CYP4X1: variants seen among roughly 807,000 people sequenced by gnomAD.
The protein encoded by CYP4X1 is cytochrome P450 4X1.
A neutral mutation model predicts 57.9 loss-of-function variants in CYP4X1; 44 were observed. The observed-to-expected ratio is 0.76, with a 90% CI of 0.60 to 0.98. The LOEUF (loss-of-function observed/expected upper bound fraction) is 0.98. CYP4X1 is among the 50% of genes least tolerant of loss of function. CYP4X1 has a pLI of 0.00. For synonymous variants in CYP4X1, 227 were observed against 228.6 expected, an observed-to-expected ratio of 0.99 and a Z score of 0.06; for missense variants, 532 against 623.9, an observed-to-expected ratio of 0.85 and a Z score of 1.57.
At chr1:47,024,118 C>G in intron 1 of CYP4X1, 124 bp downstream of exon 1, 1 of 1,166,464 alleles carries the variant, frequency 8.6e-7, no homozygotes, top group Non-Finnish European at 1.2e-6. Flanking sequence ...TTGCACTGGC[C>G]TTTCCAGCCC....
At chr1:47,003,878 A>T in the CYP4X1 span, among the ~76,000 whole-genome samples, 1 of 152,176 alleles carries the variant, frequency 6.6e-6, no homozygotes, top group African/African-American at 2.4e-5. Context: ...CCCGCCAAAA[A>T]ATCTCAGATC....
chr1:47,021,115 A>G (rs1461577892), upstream of CYP4X1, among the ~76,000 whole-genome samples: 2 of 119,472 alleles, frequency 1.7e-5, no homozygotes, highest in Admixed American at 1.2e-4. Flanking sequence ...AGAAAATTCA[A>G]TTCAGTAGAT....
chr1:46,980,603 T>A, the CYP4X1 span, among the ~76,000 whole-genome samples: 1 of 152,204 alleles, frequency 6.6e-6, no homozygotes, highest in African/African-American at 2.4e-5. Context: ...TACCAATGAC[T>A]TTCTTCACAG....
chr1:46,989,724 T>C, the CYP4X1 span, among the ~76,000 whole-genome samples: 2 of 152,218 alleles, frequency 1.3e-5, no homozygotes, highest in East Asian at 1.9e-4. Flanking sequence ...TGGAACAGAA[T>C]AGAGACCTCA....
chr1:47,003,423 T>C, the CYP4X1 span, among the ~76,000 whole-genome samples: 2 of 152,168 alleles, frequency 1.3e-5, no homozygotes, highest in Admixed American at 1.3e-4. Flanking sequence ...CCCTGCAATT[T>C]CCATCTCCTC....
Position 47,050,194 on chromosome 1 carries a change from A to G in CYP4X1, c.*20A>G. 1 of 1,612,678 alleles carries G rather than the reference A, an allele frequency of 6.2e-7. No homozygotes were observed. The highest frequency in any genetic ancestry group is 8.5e-7 in the Non-Finnish European group (1 of 1,179,264). On this transcript the variant is annotated 3_prime_UTR_variant, in exon 12 of 12. Coordinates refer to ENST00000371901, the MANE Select transcript of CYP4X1 (RefSeq NM_178033.2). ...TGTTAGATCTCAGGGTACAATGATT[A>G]AACGTACTTTGTTTTTCGAAGTTAA...
the CYP4X1 span, chr1:46,967,919 A>T: frequency 1.9e-6 from 1 of 520,108 alleles, no homozygotes; most frequent in Non-Finnish European, 3.1e-6. Context: ...CCCCATTATG[A>T]GCTGGAAATT....
the CYP4X1 span, among the ~76,000 whole-genome samples, chr1:46,966,715 C>A: frequency 6.6e-6 from 1 of 152,098 alleles, no homozygotes; most frequent in Non-Finnish European, 1.5e-5. Context: ...TTATAATCAG[C>A]CATCTTGGAC....
chr1:47,018,446 T>C, the CYP4X1 span, among the ~76,000 whole-genome samples: 1 of 152,198 alleles, frequency 6.6e-6, no homozygotes, highest in African/African-American at 2.4e-5. Context: ...CCACTGTCAA[T>C]TTCTGCATGA....
At chr1:46,997,366 C>T in the CYP4X1 span, among the ~76,000 whole-genome samples, 2 of 152,166 alleles carry the variant, frequency 1.3e-5, no homozygotes, top group Non-Finnish European at 2.9e-5. Context: ...CAACCCTTGC[C>T]CTCCTTGCTT....
the CYP4X1 span, among the ~76,000 whole-genome samples, chr1:47,007,697 G>A: frequency 2.0e-5 from 3 of 152,164 alleles, no homozygotes; most frequent in Admixed American, 2.0e-4. Context: ...TAGACGAATG[G>A]CTAACTAGAA....
chr1:47,018,282 T>C, the CYP4X1 span, among the ~76,000 whole-genome samples: 1 of 152,194 alleles, frequency 6.6e-6, no homozygotes, highest in African/African-American at 2.4e-5. Flanking sequence ...CTTATGGACC[T>C]TCTATAAAAC....
At chr1:47,023,537 G>A (rs1450210456), upstream of CYP4X1, 3 of 1,189,100 alleles carry the variant, frequency 2.5e-6, no homozygotes, top group Non-Finnish European at 3.1e-6. Flanking sequence ...ACTGAAAACT[G>A]TTGGACTTAA....
At chr1:46,966,968 T>C in the CYP4X1 span, among the ~76,000 whole-genome samples, 1 of 152,198 alleles carries the variant, frequency 6.6e-6, no homozygotes, top group Admixed American at 6.5e-5. Flanking sequence ...AGGGGATGTG[T>C]ATAGATGCCA....
the CYP4X1 span, among the ~76,000 whole-genome samples, chr1:46,976,512 G>A: frequency 1.3e-5 from 2 of 152,164 alleles, no homozygotes; most frequent in Non-Finnish European, 2.9e-5. Context: ...CTCCACCTCT[G>A]TAGGCATGGC....
intron 8 of CYP4X1, among the ~76,000 whole-genome samples, chr1:47,045,697 T>C (rs1330258006): frequency 6.6e-6 from 1 of 152,222 alleles, no homozygotes; most frequent in Non-Finnish European, 1.5e-5. Context: ...GCTGGTACTA[T>C]TGTGATCATG....
At chr1:46,990,161 G>A in the CYP4X1 span, among the ~76,000 whole-genome samples, 1 of 152,108 alleles carries the variant, frequency 6.6e-6, no homozygotes, top group South Asian at 2.1e-4. Context: ...CTGACAAAGG[G>A]CCAATATCCA....
At chr1:46,988,459 A>G in the CYP4X1 span, among the ~76,000 whole-genome samples, 2 of 152,180 alleles carry the variant, frequency 1.3e-5, no homozygotes, top group African/African-American at 4.8e-5. Flanking sequence ...CAGAGGTACA[A>G]ACAGGAATGG....
chr1:47,028,639 G>T (rs1000763667), intron 1 of CYP4X1, among the ~76,000 whole-genome samples: 1 of 152,088 alleles, frequency 6.6e-6, no homozygotes, highest in Non-Finnish European at 1.5e-5. Context: ...TGTCCTTTTT[G>T]TCTAGTCAGG....
Sources: gnomAD v4.1 joint callset for allele counts (sites outside exome capture counted in the v4.1 genomes callset) on GRCh38, gnomAD v4.1.1 for gene constraint, MANE v1.5 for transcripts, NCBI Gene and HGNC (gene_info 2026-07-23, HGNC 2026-07-21) for gene names.